Variants in ADA observed in about 807,000 individuals in gnomAD.
The protein encoded by ADA is adenosine deaminase, also known as adenosine aminohydrolase.
A neutral mutation model predicts 49.0 loss-of-function variants in ADA; 45 were observed. That is an observed-to-expected ratio of 0.92 (90% CI 0.72 to 1.18). The LOEUF is 1.18. ADA is among the 50% of genes most tolerant of loss of function. ADA has a pLI of 0.00. For missense variants in ADA, 445 were observed against 472.5 expected (o/e 0.94, Z 0.54); for synonymous variants, 173 against 184.2 (o/e 0.94, Z 0.49).
chr20:44,620,250 A>T (rs1280468222), intron 11 of ADA, 49 bp downstream of exon 11: 1 of 1,519,484 alleles, frequency 6.6e-7, no homozygotes. Flanking sequence ...AGAAAGCCAC[A>T]CTGGGGCCAG....
intron 9 of ADA, 87 bp downstream of exon 9, chr20:44,622,501 C>T: frequency 6.8e-7 from 1 of 1,466,692 alleles, no homozygotes; most frequent in Non-Finnish European, 9.5e-7. Flanking sequence ...AAAGACGCGG[C>T]ATGGGCTGAT....
At chr20:44,651,552 C>G in intron 1 of ADA, 23 bp downstream of exon 1, 1 of 1,532,180 alleles carries the variant, frequency 6.5e-7, no homozygotes, top group South Asian at 1.2e-5. Flanking sequence ...ACCCCCGTCC[C>G]CGGAGCCCCC....
At chr20:44,622,456 C>T in intron 9 of ADA, 132 bp downstream of exon 9, 1 of 1,131,150 alleles carries the variant, frequency 8.8e-7, no homozygotes, top group Non-Finnish European at 1.3e-6. Flanking sequence ...ACGGCAATGC[C>T]TGCTTCCCAG....
At chr20:44,631,859 C>T (rs1471102851) in intron 2 of ADA, among the ~76,000 whole-genome samples, 1 of 152,162 alleles carries the variant, frequency 6.6e-6, no homozygotes, top group Non-Finnish European at 1.5e-5. Context: ...ACCCATGTGT[C>T]TGGCTACCTG....
At chr20:44,626,689 T>A in intron 3 of ADA, 90 bp from the exon 4 acceptor site, 1 of 1,524,370 alleles carries the variant, frequency 6.6e-7, no homozygotes, top group Non-Finnish European at 9.0e-7. Context: ...CTTGGCAGAT[T>A]AAACCCACTT....
At chr20:44,622,305 G>GATGAGC (rs1247055145) in intron 9 of ADA, among the ~76,000 whole-genome samples, 3 of 152,342 alleles carry the variant, frequency 2.0e-5, no homozygotes, top group Admixed American at 2.0e-4. Flanking sequence ...AATTGGAAGT[G>GATGAGC]TGGAAGCTTC....
At chr20:44,647,394 C>CCATT (rs1324430474) in intron 1 of ADA, among the ~76,000 whole-genome samples, 1 of 151,842 alleles carries the variant, frequency 6.6e-6, no homozygotes, top group Non-Finnish European at 1.5e-5. Context: ...CGAGGTCGTG[C>CCATT]CATTGCACTC....
intron 1 of ADA, among the ~76,000 whole-genome samples, chr20:44,644,941 A>T (rs1422102714): frequency 2.0e-5 from 3 of 152,236 alleles, no homozygotes; most frequent in Non-Finnish European, 2.9e-5. Context: ...TTTAAAGGCA[A>T]CAAGACTGAG....
rs560692034 is a variant in ADA at position 44,632,288 on chromosome 20, T to C, written c.96-3119A>G. Among the ~76,000 whole-genome samples, 18 of 152,184 alleles carry C rather than the reference T, an allele frequency of 1.2e-4. No individual in the cohort carries two copies. The East Asian group carries it at 3.5e-3, about 29-fold the overall frequency. ...GTCAGAGAGCAGGCATTTGTGCAGA[T>C]GATGCACCAGGGAGGCAGGGCCAGG... On this transcript the variant is annotated intron_variant, in intron 2 of 11. Coordinates refer to ENST00000372874, the MANE Select transcript of ADA (RefSeq NM_000022.4).
chr20:44,622,090 C>T (rs919025930), intron 9 of ADA, among the ~76,000 whole-genome samples: 5 of 152,150 alleles, frequency 3.3e-5, no homozygotes, highest in African/African-American at 7.2e-5. Flanking sequence ...TGTGGCTTGG[C>T]GACAGGACGG....
intron 10 of ADA, chr20:44,620,604 G>A: frequency 1.6e-6 from 1 of 636,300 alleles, no homozygotes. Context: ...ATGAAAAAGG[G>A]CTGTGAGAAG....
At chr20:44,642,933 C>T (rs1476020419) in intron 1 of ADA, among the ~76,000 whole-genome samples, 1 of 152,128 alleles carries the variant, frequency 6.6e-6, no homozygotes, top group African/African-American at 2.4e-5. Context: ...GCCAGCTGCC[C>T]ACCATGACCA....
intron 1 of ADA, among the ~76,000 whole-genome samples, chr20:44,643,507 T>A (rs368745680): frequency 6.6e-6 from 1 of 152,196 alleles, no homozygotes; most frequent in East Asian, 1.9e-4. Context: ...TATCGGCCCA[T>A]GTTACAGATG....
At chr20:44,625,752 G>T in intron 4 of ADA, 68 bp from the exon 5 acceptor site, 1 of 1,323,152 alleles carries the variant, frequency 7.6e-7, no homozygotes, top group Non-Finnish European at 1.1e-6. Context: ...CTCTGGGACT[G>T]GGACAGAGGA....
At chr20:44,634,601 C>T (rs554652418) in intron 2 of ADA, among the ~76,000 whole-genome samples, 10 of 152,350 alleles carry the variant, frequency 6.6e-5, no homozygotes, top group South Asian at 2.1e-4. Context: ...ACCCGGGTAA[C>T]GCACTTAAAG....
chr20:44,647,619 G>A (rs559540994), intron 1 of ADA, among the ~76,000 whole-genome samples: 2 of 151,904 alleles, frequency 1.3e-5, no homozygotes, highest in African/African-American at 2.4e-5. Flanking sequence ...AGAGGATTCC[G>A]TGAGATAAAA....
chr20:44,648,778 C>T (rs1448806271), intron 1 of ADA, among the ~76,000 whole-genome samples: 1 of 152,166 alleles, frequency 6.6e-6, no homozygotes, highest in Non-Finnish European at 1.5e-5. Context: ...GTTCCTGGAT[C>T]GTTGACATTA....
Position 44,623,021 on chromosome 20 carries a change from C to A in ADA, c.664G>T (p.Glu222Ter). 1 of 1,614,198 alleles carries A rather than the reference C, an allele frequency of 6.2e-7. No homozygotes were observed. The change falls in exon 7 of 12, where the codon GAA (glutamate) becomes TAA (stop). Residue 222 changes from glutamate (E) to a stop codon, truncating the protein, a stop_gained. Coordinates refer to ENST00000372874, the MANE Select transcript of ADA (RefSeq NM_000022.4). LOFTEE classifies it high-confidence loss of function. Reference sequence around the variant, plus strand: ...CAGGCCCTCACCTCTTTTACTACTTCGGCCGAGCCCACCTCCCCGGCGTGG... The same window carrying A: ...CAGGCCCTCACCTCTTTTACTACTTAGGCCGAGCCCACCTCCCCGGCGTGG... ...TVHAGEVGSA[E>*]VVKEAVDILK...
chr20:44,648,595 C>G (rs989589225), intron 1 of ADA, among the ~76,000 whole-genome samples: 1 of 152,046 alleles, frequency 6.6e-6, no homozygotes, highest in Admixed American at 6.5e-5. Flanking sequence ...TCTGCTCAGT[C>G]TGCCGCCACT....
Sources: gnomAD v4.1 joint callset for allele counts (sites outside exome capture counted in the v4.1 genomes callset) on GRCh38, gnomAD v4.1.1 for gene constraint, MANE v1.5 for transcripts, NCBI Gene and HGNC (gene_info 2026-07-23, HGNC 2026-07-21) for gene names.